KLHL4: variants seen among roughly 807,000 people sequenced by gnomAD.
KLHL4 encodes the protein kelch-like protein 4.
KLHL4 carries 17 observed loss-of-function variants against 45.8 expected under a neutral mutation model. That is an observed-to-expected ratio of 0.37 (90% CI 0.25 to 0.56). KLHL4 has a LOEUF of 0.56. KLHL4 is among the 20% of genes least tolerant of loss of function. The pLI is 0.79. For synonymous variants in KLHL4, 224 were observed against 189.9 expected (o/e 1.18, Z -1.47); for missense variants, 544 against 544.9 (o/e 1.00, Z 0.02).
intron 5 of KLHL4, 110 bp from the exon 6 acceptor site, chrX:87,625,500 G>T (rs1270104905): frequency 3.3e-6 from 2 of 607,155 alleles, no homozygotes; most frequent in Admixed American, 4.1e-5. Flanking sequence ...CAAAGTGCTG[G>T]AATTACAGGT....
chrX:87,651,113 A>G, intron 9 of KLHL4, among the ~76,000 whole-genome samples: 1 of 112,014 alleles, frequency 8.9e-6, no homozygotes, highest in Non-Finnish European at 1.9e-5. Context: ...CACTTTTCGT[A>G]TGAATTACAG....
intron 1 of KLHL4, among the ~76,000 whole-genome samples, chrX:87,526,372 T>C (rs1931110212): frequency 8.9e-6 from 1 of 112,049 alleles, no homozygotes; most frequent in South Asian, 3.7e-4. Flanking sequence ...TACAAATGAA[T>C]AAAAAGGTAA....
At chrX:87,562,120 G>T (rs1042176715) in intron 1 of KLHL4, among the ~76,000 whole-genome samples, 14 of 108,832 alleles carry the variant, frequency 1.3e-4, no homozygotes, top group African/African-American at 4.7e-4. Flanking sequence ...GGAAAGGAGA[G>T]GGAAGAAAAA....
chrX:87,621,507 A>G (rs1922748097), intron 4 of KLHL4, among the ~76,000 whole-genome samples: 1 of 79,099 alleles, frequency 1.3e-5, no homozygotes, highest in African/African-American at 5.0e-5. Context: ...TTTTTTGAGA[A>G]GGAGCTTCAC....
chrX:87,600,177 G>T (rs1279091949), intron 1 of KLHL4, among the ~76,000 whole-genome samples: 2 of 110,812 alleles, frequency 1.8e-5, no homozygotes, highest in African/African-American at 6.6e-5. Flanking sequence ...TGAGTTCACA[G>T]ATCCGGTCAT....
At chrX:87,613,799 G>A in intron 1 of KLHL4, 78 bp from the exon 2 acceptor site, 2 of 724,517 alleles carry the variant, frequency 2.8e-6, no homozygotes, top group Non-Finnish European at 3.8e-6. Flanking sequence ...CTACATGTTT[G>A]TACTCTCATT....
At chrX:87,648,375 G>A (rs1923704734) in intron 9 of KLHL4, among the ~76,000 whole-genome samples, 1 of 111,354 alleles carries the variant, frequency 9.0e-6, no homozygotes, top group Non-Finnish European at 1.9e-5. Flanking sequence ...AACCATTGAA[G>A]CAAAGAAGGA....
At chrX:87,560,355 G>T (rs1932068645) in intron 1 of KLHL4, among the ~76,000 whole-genome samples, 1 of 111,910 alleles carries the variant, frequency 8.9e-6, no homozygotes, top group African/African-American at 3.2e-5. Flanking sequence ...GACACAAATA[G>T]CTGTAGCCTC....
chrX:87,613,490 A>C (rs1050430631), intron 1 of KLHL4, among the ~76,000 whole-genome samples: 1 of 111,643 alleles, frequency 9.0e-6, no homozygotes, highest in Non-Finnish European at 1.9e-5. Flanking sequence ...CATAATCAAA[A>C]ATTTTAAAAG....
intron 1 of KLHL4, among the ~76,000 whole-genome samples, chrX:87,592,184 C>G (rs1921693230): frequency 8.9e-6 from 1 of 111,844 alleles, no homozygotes; most frequent in African/African-American, 3.2e-5. Flanking sequence ...TTGCAAATGA[C>G]AGGATCTCAT....
Position 87,635,604 on chromosome X carries a change from A to T in KLHL4, c.1754A>T (p.Lys585Ile). Residue 585 changes from lysine to isoleucine, a missense_variant, in exon 9 of 11, where the codon AAA becomes ATA. Physicochemically the swap from Lys to Ile is moderately radical, Grantham distance 102 (BLOSUM62 -3). Transcript: ENST00000373119. ...GGACGTGATGGAAGTTCCTGCCTCA[A>T]ATCAATGGAATACTTTGACCCACAC... ...IGGRDGSSCL[K>I]SMEYFDPHTN... 8.3e-7 allele frequency: 1 copy of T among 1,211,086 alleles called. No homozygotes were observed. The highest frequency in any genetic ancestry group is 1.1e-6 in the Non-Finnish European group (1 of 895,008).
chrX:87,557,204 A>G (rs1255065136), intron 1 of KLHL4, among the ~76,000 whole-genome samples: 1 of 112,190 alleles, frequency 8.9e-6, no homozygotes. Flanking sequence ...ATTGATTTAG[A>G]TATCACTGAA....
Position 87,613,943 on chromosome X carries a change from C to A in KLHL4, c.489C>A (p.Asn163Lys), listed in dbSNP as rs200850322. 5.0e-6 allele frequency: 6 copies of A among 1,202,958 alleles called. No homozygotes were observed. The South Asian group carries it at 5.3e-5, about 11-fold the overall frequency. The change falls in exon 2 of 11, where the codon AAC becomes AAA. Residue 163 changes from asparagine to lysine, a missense_variant. By Grantham distance (94) the Asn-to-Lys change is moderately conservative (BLOSUM62 0). Transcript: ENST00000373119. ...TRSEEQFHVI[N>K]HAEQTLRKME... ...CTGAAGAGCAGTTCCATGTTATAAA[C>A]CACGCAGAGCAAACTCTTCGTAAAA...
chrX:87,560,440 T>C (rs1176448495), intron 1 of KLHL4, among the ~76,000 whole-genome samples: 3 of 112,111 alleles, frequency 2.7e-5, no homozygotes, highest in Admixed American at 9.5e-5. Flanking sequence ...GTCAGTTGAT[T>C]GTTTTGTATA....
intron 8 of KLHL4, 42 bp downstream of exon 8, chrX:87,633,953 T>C: frequency 1.8e-6 from 2 of 1,100,675 alleles, no homozygotes. Context: ...TCCCAGGTCA[T>C]ATAGTATAGA....
chrX:87,664,977 T>C, intron 10 of KLHL4, 42 bp downstream of exon 10: 1 of 860,316 alleles, frequency 1.2e-6, no homozygotes, highest in Non-Finnish European at 1.6e-6. Context: ...TTTCAGGTTT[T>C]AAAAAGAAGA....
chrX:87,653,947 G>A (rs1380508337), intron 9 of KLHL4, among the ~76,000 whole-genome samples: 1 of 110,753 alleles, frequency 9.0e-6, no homozygotes, highest in Non-Finnish European at 1.9e-5. Context: ...CATGGACACA[G>A]GGTGGGGAAC....
intron 1 of KLHL4, among the ~76,000 whole-genome samples, chrX:87,566,693 G>C (rs1014867627): frequency 8.9e-6 from 1 of 111,795 alleles, no homozygotes; most frequent in Admixed American, 9.5e-5. Flanking sequence ...GAGAACGTCT[G>C]TACTAGCAAA....
chrX:87,575,941 G>T (rs186577783), intron 1 of KLHL4, among the ~76,000 whole-genome samples: 61 of 112,021 alleles, frequency 5.4e-4, no homozygotes, highest in Middle Eastern at 4.7e-3. Flanking sequence ...TAACATCTCA[G>T]ATAAGGTCCA....
Sources: gnomAD v4.1 joint callset for allele counts (sites outside exome capture counted in the v4.1 genomes callset) on GRCh38, gnomAD v4.1.1 for gene constraint, MANE v1.5 for transcripts, NCBI Gene and HGNC (gene_info 2026-07-23, HGNC 2026-07-21) for gene names.